The following DCDC1 variants were observed in gnomAD, a reference collection of about 807,000 sequenced individuals.
DCDC1 encodes doublecortin domain-containing protein 1.
DCDC1 carries 200 observed loss-of-function variants against 178.3 expected under a neutral mutation model. The observed-to-expected ratio is 1.12, with a 90% confidence interval of 1.00 to 1.26. The LOEUF (loss-of-function observed/expected upper bound fraction) is 1.26. Among genes scored for constraint, DCDC1 ranks in the 50% most tolerant of loss-of-function variants. The pLI is 0.00. For synonymous variants in DCDC1, 690 were observed against 604.8 expected (o/e 1.14, Z -2.07); for missense variants, 1,983 against 1,749.2 (o/e 1.13, Z -2.38).
intron 1 of DCDC1, among the ~76,000 whole-genome samples, chr11:31,366,832 G>T (rs1461971595): frequency 1.3e-5 from 2 of 152,198 alleles, no homozygotes; most frequent in Non-Finnish European, 2.9e-5. Context: ...GGGAAGAAAT[G>T]TTAACTACGT....
chr11:31,144,526 A>AC (rs1964224670), intron 9 of DCDC1, among the ~76,000 whole-genome samples: 2 of 152,228 alleles, frequency 1.3e-5, no homozygotes, highest in African/African-American at 4.8e-5. Flanking sequence ...AGCTATAAAT[A>AC]AAAACACCAG....
intron 11 of DCDC1, among the ~76,000 whole-genome samples, chr11:31,119,139 T>A (rs1427613400): frequency 2.6e-5 from 4 of 152,182 alleles, no homozygotes; most frequent in African/African-American, 9.6e-5. Flanking sequence ...TAATTAGCTA[T>A]CACATGAGAT....
intron 20 of DCDC1, among the ~76,000 whole-genome samples, chr11:31,061,266 A>C (rs1955903273): frequency 6.6e-6 from 1 of 152,216 alleles, no homozygotes; most frequent in East Asian, 1.9e-4. Flanking sequence ...TACTCCATTT[A>C]AAAAAGGGTA....
At chr11:31,280,727 T>C in intron 7 of DCDC1, 1 of 586,818 alleles carries the variant, frequency 1.7e-6, no homozygotes, top group Non-Finnish European at 3.2e-6. Flanking sequence ...TGCCTTCTTC[T>C]TAATGCCGGC....
chr11:31,206,536 C>A (rs768651872), intron 9 of DCDC1, among the ~76,000 whole-genome samples: 6 of 152,152 alleles, frequency 3.9e-5, no homozygotes, highest in Non-Finnish European at 8.8e-5. Context: ...GCCTCAGCCT[C>A]CGGAGTAGCT....
chr11:30,923,041 G>A (rs1213911196), intron 23 of DCDC1, among the ~76,000 whole-genome samples: 6 of 151,874 alleles, frequency 4.0e-5, no homozygotes, highest in African/African-American at 7.2e-5. Context: ...AGGGAGAGAC[G>A]GAGGAAGGTA....
chr11:30,924,931 G>A (rs1049919098), intron 23 of DCDC1, among the ~76,000 whole-genome samples: 1 of 152,060 alleles, frequency 6.6e-6, no homozygotes, highest in Non-Finnish European at 1.5e-5. Flanking sequence ...AAATCAGCTA[G>A]GCATAGTGGC....
intron 33 of DCDC1, 47 bp from the exon 34 acceptor site, chr11:30,899,689 C>T (rs368721770): frequency 2.4e-5 from 31 of 1,279,980 alleles, no homozygotes; most frequent in Middle Eastern, 3.9e-4. Flanking sequence ...TAATTTATCA[C>T]GCGCACCAAT....
intron 18 of DCDC1, among the ~76,000 whole-genome samples, chr11:31,070,398 T>C (rs1956483605): frequency 6.6e-6 from 1 of 152,198 alleles, no homozygotes; most frequent in South Asian, 2.1e-4. Context: ...CTCATTATTT[T>C]CCAAGTCTAT....
chr11:31,155,929 T>C (rs1478506260), intron 9 of DCDC1: 4 of 152,186 alleles, frequency 2.6e-5, no homozygotes, highest in Non-Finnish European at 5.9e-5. Context: ...TAAGAAAAAC[T>C]AAGACTCAGA....
At chr11:30,996,205 T>C (rs1011842649) in intron 20 of DCDC1, among the ~76,000 whole-genome samples, 3 of 152,020 alleles carry the variant, frequency 2.0e-5, no homozygotes, top group African/African-American at 7.3e-5. Context: ...ATTAAAACCA[T>C]AATGAACGAT....
At chr11:31,012,986 T>C (rs1417783893) in intron 20 of DCDC1, among the ~76,000 whole-genome samples, 2 of 152,204 alleles carry the variant, frequency 1.3e-5, no homozygotes, top group African/African-American at 2.4e-5. Flanking sequence ...ATAGCAGTGA[T>C]TTTTAATTTC....
At chr11:30,888,947 A>G (rs1943546244) in intron 36 of DCDC1, among the ~76,000 whole-genome samples, 3 of 152,214 alleles carry the variant, frequency 2.0e-5, no homozygotes, top group African/African-American at 7.2e-5. Flanking sequence ...GGTGGGGCAC[A>G]TGGGCATCAT....
At chr11:31,251,833 G>A (rs183737654) in intron 8 of DCDC1, among the ~76,000 whole-genome samples, 3 of 152,230 alleles carry the variant, frequency 2.0e-5, no homozygotes, top group African/African-American at 7.2e-5. Flanking sequence ...GGAAACATGT[G>A]ATAAGGTACT....
In DCDC1 at chr11:30,909,278, T is replaced by C. The variant is rs553762103; in HGVS notation, c.3748-162A>G. Among the ~76,000 whole-genome samples, 14 of 152,294 alleles carry C rather than the reference T, an allele frequency of 9.2e-5. No homozygotes were observed. In the South Asian group the frequency reaches 2.7e-3, roughly 29 times the overall value. On this transcript the variant is annotated intron_variant, in intron 28 of 38. Coordinates refer to ENST00000684477, the MANE Select transcript of DCDC1 (RefSeq NM_001387274.1). ...ATTTTAGTGATTAGACATGCAATCT[T>C]TTATATGTTTATAAATACACATTAT...
Position 31,059,985 on chromosome 11 carries a change from C to T in DCDC1, c.2591+4484G>A, listed in dbSNP as rs78175459. Among the ~76,000 whole-genome samples the T allele has an allele frequency of 5.3e-5, 8 of 152,058 alleles. No homozygotes were observed. The South Asian group carries it at 1.7e-3, about 31-fold the overall frequency. ...TTGCCTTTCTTTGAAAAGCAGGAGA[C>T]TATAACAGTTCCTTTAGCTGGTGCA... On this transcript the variant is annotated intron_variant, in intron 20 of 38. Transcript: ENST00000684477.
At chr11:30,875,206 T>A (rs887949104) in intron 38 of DCDC1, among the ~76,000 whole-genome samples, 1 of 152,190 alleles carries the variant, frequency 6.6e-6, no homozygotes, top group East Asian at 1.9e-4. Context: ...TCTTTGTTGA[T>A]CTTGCTTTGT....
At chr11:31,179,545 T>C (rs1968510011) in intron 9 of DCDC1, among the ~76,000 whole-genome samples, 1 of 152,158 alleles carries the variant, frequency 6.6e-6, no homozygotes, top group South Asian at 2.1e-4. Flanking sequence ...AATCTAGACA[T>C]CATGTTAAGT....
At chr11:30,927,906 G>A (rs1315082345) in intron 22 of DCDC1, among the ~76,000 whole-genome samples, 4 of 151,712 alleles carry the variant, frequency 2.6e-5, no homozygotes, top group Non-Finnish European at 5.9e-5. Flanking sequence ...CCTTTCAGCA[G>A]TGATCTAATT....
Sources: allele counts gnomAD v4.1 joint callset (sites outside exome capture counted in the v4.1 genomes callset), GRCh38; gene constraint gnomAD v4.1.1; transcripts MANE v1.5; gene names NCBI Gene and HGNC (gene_info 2026-07-23, HGNC 2026-07-21).